The following DENND2B variants were observed in gnomAD, a reference collection of about 807,000 sequenced individuals.
DENND2B encodes DENN domain-containing protein 2B.
In DENND2B, 32 loss-of-function variants were observed where a neutral mutation model predicts 116.0. The observed-to-expected ratio is 0.28, with a 90% CI of 0.21 to 0.37. The LOEUF is 0.37. Ranked by LOEUF, DENND2B falls within the 10% of genes least tolerant of loss-of-function variation. DENND2B has a pLI of 1.00. For missense variants in DENND2B, 1,276 were observed against 1,477.7 expected (o/e 0.86, Z 2.24); for synonymous variants, 588 against 583.9 (o/e 1.01, Z -0.10).
At chr11:8,826,636 T>C (rs1380697522) in intron 4 of DENND2B, among the ~76,000 whole-genome samples, 3 of 152,166 alleles carry the variant, frequency 2.0e-5, no homozygotes. Context: ...GCGGCCCTGA[T>C]CTACAGATGA....
chr11:8,776,147 C>T (rs1283885768), intron 1 of DENND2B: 2 of 142,082 alleles, frequency 1.4e-5, no homozygotes, highest in South Asian at 7.0e-5. Context: ...CACGTGCGCG[C>T]ACGCGCGCGC....
In DENND2B at chr11:8,730,479, C is replaced by T. The variant is rs758788688; in HGVS notation, c.811G>A (p.Gly271Arg). ...GAGCTCTCCTTCCTGCTGCCATGCC[C>T]CCTGAGGAAGGCGCTGGGCTCACTC... ...GRSEPSAFLR[G>R]HGSRKESSAV... The change falls in exon 3 of 20, where the codon GGG becomes AGG. Residue 271 changes from glycine (G) to arginine (R), a missense_variant. By Grantham distance (125) the Gly-to-Arg change is moderately radical (BLOSUM62 -2). Coordinates refer to ENST00000313726, the MANE Select transcript of DENND2B (RefSeq NM_213618.2). The surrounding 1 kb of genome is among the most constrained non-coding windows in gnomAD (Gnocchi z 4.1). The T allele has an allele frequency of 6.2e-7, 1 of 1,612,140 alleles. No individual in the cohort carries two copies. The highest frequency in any genetic ancestry group is 8.5e-7 in the Non-Finnish European group (1 of 1,180,022).
At chr11:8,720,525 C>G (rs148419786) in intron 4 of DENND2B, among the ~76,000 whole-genome samples, 53 of 152,318 alleles carry the variant, frequency 3.5e-4, no homozygotes, top group South Asian at 2.1e-3. Flanking sequence ...CTCTCTTCTC[C>G]AGCAATGTTT....
intron 4 of DENND2B, among the ~76,000 whole-genome samples, chr11:8,824,203 C>CTT (rs140701230): frequency 4.8e-5 from 7 of 147,226 alleles, no homozygotes; most frequent in Admixed American, 1.3e-4. Context: ...TGCCTGGCCT[C>CTT]TTTTTTTTTT....
chr11:8,737,848 A>T (rs774101779), intron 2 of DENND2B, among the ~76,000 whole-genome samples: 2 of 151,906 alleles, frequency 1.3e-5, no homozygotes, highest in African/African-American at 4.8e-5. Flanking sequence ...CCTGGGCTCA[A>T]GCCATCTTCC....
chr11:8,752,483 G>A (rs1410413492), intron 1 of DENND2B, among the ~76,000 whole-genome samples: 1 of 151,734 alleles, frequency 6.6e-6, no homozygotes, highest in East Asian at 1.9e-4. Context: ...ACTTAAGCAA[G>A]GTAGAGGGAA....
At chr11:8,897,816 C>T (rs1285296645) in intron 1 of DENND2B, among the ~76,000 whole-genome samples, 1 of 152,112 alleles carries the variant, frequency 6.6e-6, no homozygotes, top group East Asian at 1.9e-4. Flanking sequence ...GGTAGGGTCT[C>T]ACATGGTTGC....
At position 8,730,381 on chromosome 11, in the gene DENND2B, G is replaced by C. The variant is rs753980360; in HGVS notation, c.909C>G (p.Leu303=). The C allele has an allele frequency of 6.2e-7, 1 of 1,604,948 alleles. No individual in the cohort carries two copies. The highest frequency in any genetic ancestry group is 2.2e-5 in the East Asian group (1 of 44,854). The change falls in exon 3 of 20, where the codon CTC becomes CTG. Residue 303 remains leucine (L), a synonymous_variant. Coordinates refer to ENST00000313726, the MANE Select transcript of DENND2B (RefSeq NM_213618.2). The surrounding 1 kb of genome is among the most constrained non-coding windows in gnomAD (Gnocchi z 4.1). ...GGTCCACGCTGTAGCAGCTGCTGGGGAGCTGGGGGAGCCCCCGGCCCGGCT... is the reference window on the plus strand; with the variant it reads ...GGTCCACGCTGTAGCAGCTGCTGGGCAGCTGGGGGAGCCCCCGGCCCGGCT... ...KEQPGRGLPQ[L]PSSCYSVDRG...
chr11:8,897,722 G>A (rs1326177608), intron 1 of DENND2B, among the ~76,000 whole-genome samples: 4 of 152,196 alleles, frequency 2.6e-5, no homozygotes. Flanking sequence ...GATTTCAATG[G>A]CTGAATGTGA....
At chr11:8,894,871 C>G (rs1373916262) in intron 1 of DENND2B, among the ~76,000 whole-genome samples, 1 of 152,158 alleles carries the variant, frequency 6.6e-6, no homozygotes, top group Admixed American at 6.5e-5. Context: ...ACTAGAAATA[C>G]CATTTGACCC....
intron 1 of DENND2B, among the ~76,000 whole-genome samples, chr11:8,794,355 T>C (rs148098759): frequency 7.7e-4 from 118 of 152,266 alleles, no homozygotes; most frequent in Non-Finnish European, 1.3e-3. Context: ...CCAGTGAGCA[T>C]CCGCAAAATA....
intron 3 of DENND2B, among the ~76,000 whole-genome samples, chr11:8,848,914 A>C (rs928287644): frequency 1.3e-5 from 2 of 152,108 alleles, no homozygotes; most frequent in African/African-American, 4.8e-5. Context: ...AGTAAAGCAG[A>C]TTCTTAACCC....
At chr11:8,711,634 G>A (rs983229496) in intron 9 of DENND2B, among the ~76,000 whole-genome samples, 6 of 152,058 alleles carry the variant, frequency 3.9e-5, no homozygotes, top group Non-Finnish European at 5.9e-5. Flanking sequence ...TTGGGAGGCC[G>A]AGACTGGCGG....
intron 1 of DENND2B, among the ~76,000 whole-genome samples, chr11:8,901,224 CTTTTCTTTT>C (rs2064164635): frequency 1.8e-5 from 1 of 55,748 alleles, no homozygotes; most frequent in South Asian, 8.1e-4. Context: ...CTTTTCTTTT[CTTTTCTTTT>C]TTTTTTTTTT....
chr11:8,701,427 T>C (rs564402240), intron 14 of DENND2B, among the ~76,000 whole-genome samples: 2 of 127,738 alleles, frequency 1.6e-5, no homozygotes, highest in Admixed American at 1.8e-4. Flanking sequence ...AAACACCGCC[T>C]CCTCCAGCCT....
At chr11:8,779,458 CT>C in intron 1 of DENND2B, among the ~76,000 whole-genome samples, 1 of 152,018 alleles carries the variant, frequency 6.6e-6, no homozygotes, top group Non-Finnish European at 1.5e-5. Context: ...GCACCTACCT[CT>C]GCCAAAAGCA....
intron 3 of DENND2B, among the ~76,000 whole-genome samples, chr11:8,841,370 G>A (rs143768344): frequency 0.024 from 3,584 of 152,258 alleles, 146 homozygotes; most frequent in African/African-American, 0.081. Context: ...GAAGCCAGGT[G>A]CCTCACGCCT....
chr11:8,735,089 C>T (rs556257606), intron 2 of DENND2B, among the ~76,000 whole-genome samples: 7 of 151,778 alleles, frequency 4.6e-5, no homozygotes, highest in Admixed American at 3.9e-4. Context: ...TCTATTGCTC[C>T]GTCACTCGAA....
intron 1 of DENND2B, among the ~76,000 whole-genome samples, chr11:8,806,605 A>AAAACACACACACACAC (rs372362474): frequency 2.5e-5 from 3 of 118,494 alleles, no homozygotes; most frequent in African/African-American, 9.3e-5. Flanking sequence ...CTCCCTTCAA[A>AAAACACACACACACAC]ACACACACAC....
Sources: gnomAD v4.1 joint callset for allele counts (sites outside exome capture counted in the v4.1 genomes callset) on GRCh38, gnomAD v4.1.1 for gene constraint, Gnocchi (gnomAD v3.1) non-coding constraint, MANE v1.5 for transcripts, NCBI Gene and HGNC (gene_info 2026-07-23, HGNC 2026-07-21) for gene names.